The following CCBE1 variants were observed in gnomAD, a reference collection of about 807,000 sequenced individuals.
The protein encoded by CCBE1 is collagen and calcium binding EGF domains 1, also known as collagen and calcium-binding EGF domain-containing protein 1.
Under a neutral mutation model 50.0 loss-of-function variants are expected in CCBE1, and 37 were observed. That is an observed-to-expected ratio of 0.74 (90% CI 0.57 to 0.97). The LOEUF is 0.97. Ranked by LOEUF, CCBE1 falls within the 50% of genes least tolerant of loss-of-function variation. The pLI is 0.00. For missense variants in CCBE1, 538 were observed against 523.8 expected, an observed-to-expected ratio of 1.03 and a Z score of -0.26; for synonymous variants, 234 against 203.7, an observed-to-expected ratio of 1.15 and a Z score of -1.27.
At chr18:59,557,930 TA>T (rs1489695872) in intron 2 of CCBE1, among the ~76,000 whole-genome samples, 1 of 152,244 alleles carries the variant, frequency 6.6e-6, no homozygotes, top group Non-Finnish European at 1.5e-5. Flanking sequence ...CGCATGGATA[TA>T]AAGTTTTGTT....
At chr18:59,511,824 G>T (rs896946439) in intron 2 of CCBE1, among the ~76,000 whole-genome samples, 1 of 152,136 alleles carries the variant, frequency 6.6e-6, no homozygotes. Flanking sequence ...GCCATTTGGG[G>T]GAATCCATGT....
At chr18:59,512,769 T>C (rs957987672) in intron 2 of CCBE1, among the ~76,000 whole-genome samples, 1 of 152,136 alleles carries the variant, frequency 6.6e-6, no homozygotes, top group Admixed American at 6.5e-5. Flanking sequence ...TATTGAGATA[T>C]GTGTTTAGGG....
At chr18:59,594,972 C>T (rs1003925129) in intron 2 of CCBE1, among the ~76,000 whole-genome samples, 14 of 151,982 alleles carry the variant, frequency 9.2e-5, no homozygotes, top group Admixed American at 1.3e-4. Context: ...ATTAACCAGG[C>T]ATGGTGGCAT....
intron 2 of CCBE1, among the ~76,000 whole-genome samples, chr18:59,645,760 G>T (rs188863783): frequency 2.3e-4 from 35 of 152,266 alleles, no homozygotes; most frequent in East Asian, 1.9e-4. Flanking sequence ...GGCTGGGCGC[G>T]GTGGCTCACG....
chr18:59,471,334 C>G (rs1433262160), intron 3 of CCBE1, among the ~76,000 whole-genome samples: 1 of 152,204 alleles, frequency 6.6e-6, no homozygotes, highest in African/African-American at 2.4e-5. Context: ...TAAATCCTCT[C>G]TATTGACTTC....
At position 59,435,790 on chromosome 18, in the gene CCBE1, G is replaced by T; in HGVS notation, c.*118C>A. 2.2e-6 allele frequency: 2 copies of T among 916,982 alleles called. No individual in the cohort carries two copies. Among genetic ancestry groups the T allele is most frequent in the Non-Finnish European group, 1.8e-6 (1 of 548,070 alleles). The allele number at this position is 916,982 out of a possible 1,614,324, so 56.8% of individuals were successfully genotyped here. A position where few individuals can be genotyped will look rare whatever the true frequency, so the allele number is the denominator to read the frequency against. ...GAAGAGGAGTGGAGAGACGTCAGGA[G>T]AAGAGAAGAGAAAAATGTATGTTTT... is the stretch of plus-strand genomic sequence containing the variant. On this transcript the variant is annotated 3_prime_UTR_variant, in exon 11 of 11. Transcript: ENST00000439986.
At chr18:59,645,797 C>T (rs2054047510) in intron 2 of CCBE1, among the ~76,000 whole-genome samples, 3 of 152,102 alleles carry the variant, frequency 2.0e-5, no homozygotes, top group South Asian at 4.1e-4. Context: ...TTTGGGAGGC[C>T]AAGGTGGGCG....
intron 2 of CCBE1, among the ~76,000 whole-genome samples, chr18:59,682,093 T>G (rs2054597250): frequency 6.6e-6 from 1 of 152,102 alleles, no homozygotes. Flanking sequence ...ACCGGGCGCG[T>G]TGGCTCATGC....
At chr18:59,636,866 A>G (rs2053923205) in intron 2 of CCBE1, among the ~76,000 whole-genome samples, 1 of 152,246 alleles carries the variant, frequency 6.6e-6, no homozygotes, top group Admixed American at 6.5e-5. Flanking sequence ...AGATATAATT[A>G]AAATACTGGA....
chr18:59,436,732 G>A (rs980514033), intron 10 of CCBE1, among the ~76,000 whole-genome samples: 10 of 152,180 alleles, frequency 6.6e-5, no homozygotes, highest in Admixed American at 2.0e-4. Flanking sequence ...ACTTTGGGAG[G>A]CCGAGGTGGA....
chr18:59,622,463 C>T (rs937233778), intron 2 of CCBE1, among the ~76,000 whole-genome samples: 1 of 151,218 alleles, frequency 6.6e-6, no homozygotes, highest in African/African-American at 2.4e-5. Flanking sequence ...GAGATCATGC[C>T]ACTGCCCTCC....
In CCBE1 at chr18:59,607,648, G is replaced by A. The variant is rs559298061; in HGVS notation, c.212+88981C>T. On this transcript the variant is annotated intron_variant, in intron 2 of 10. Transcript: ENST00000439986. ...AGATGCTGTCCTAGGGCACCTCGCT[G>A]AGCTTGAAAGCTAATGTTGCACAAT... Among the ~76,000 whole-genome samples, 3 of 152,324 alleles carry A rather than the reference G, an allele frequency of 2.0e-5. No homozygotes were observed. In the South Asian group the frequency reaches 6.2e-4, roughly 32 times the overall value.
intron 2 of CCBE1, among the ~76,000 whole-genome samples, chr18:59,665,683 C>T (rs2054344861): frequency 6.6e-6 from 1 of 152,138 alleles, no homozygotes; most frequent in African/African-American, 2.4e-5. Flanking sequence ...GCACTGCACT[C>T]AACAGCAGCA....
At chr18:59,551,077 G>A (rs1382965326) in intron 2 of CCBE1, among the ~76,000 whole-genome samples, 2 of 144,666 alleles carry the variant, frequency 1.4e-5, no homozygotes, top group East Asian at 4.0e-4. Flanking sequence ...TAAAAATACA[G>A]TCATGCATTA....
At chr18:59,579,951 A>G (rs533328389) in intron 2 of CCBE1, among the ~76,000 whole-genome samples, 1 of 152,332 alleles carries the variant, frequency 6.6e-6, no homozygotes, top group Non-Finnish European at 1.5e-5. Context: ...CATTAAGAAT[A>G]AATCACCCTG....
intron 2 of CCBE1, among the ~76,000 whole-genome samples, chr18:59,497,739 C>T (rs945723146): frequency 6.6e-6 from 1 of 152,182 alleles, no homozygotes; most frequent in African/African-American, 2.4e-5. Flanking sequence ...ACAGGCCCTT[C>T]CTAAGGAAAA....
intron 3 of CCBE1, among the ~76,000 whole-genome samples, chr18:59,470,834 T>C (rs1446735597): frequency 6.6e-6 from 1 of 152,140 alleles, no homozygotes; most frequent in Non-Finnish European, 1.5e-5. Flanking sequence ...CATATGAAGG[T>C]GAACGGGTGG....
intron 2 of CCBE1, among the ~76,000 whole-genome samples, chr18:59,690,702 G>A (rs1029341059): frequency 1.3e-5 from 2 of 152,226 alleles, no homozygotes; most frequent in Non-Finnish European, 2.9e-5. Flanking sequence ...TGTGGTTACT[G>A]AGTTAAAATT....
At chr18:59,472,556 C>T (rs1912081512) in intron 3 of CCBE1, among the ~76,000 whole-genome samples, 1 of 152,224 alleles carries the variant, frequency 6.6e-6, no homozygotes, top group Non-Finnish European at 1.5e-5. Flanking sequence ...TGCTGCACAG[C>T]AGCTACTACT....
Sources: allele counts gnomAD v4.1 joint callset (sites outside exome capture counted in the v4.1 genomes callset), GRCh38; gene constraint gnomAD v4.1.1; transcripts MANE v1.5; gene names NCBI Gene and HGNC (gene_info 2026-07-23, HGNC 2026-07-21).